The following DCUN1D4 variants were observed in gnomAD, a reference collection of about 807,000 sequenced individuals.
DCUN1D4 encodes defective in cullin neddylation 1 domain containing 4.
In DCUN1D4, 22 loss-of-function variants were observed where a neutral mutation model predicts 47.9. That is an observed-to-expected ratio of 0.46 (90% CI 0.33 to 0.66). The LOEUF (loss-of-function observed/expected upper bound fraction) is 0.66. Among genes scored for constraint, DCUN1D4 ranks in the 30% least tolerant of loss-of-function variants. The pLI is 0.02. For missense variants in DCUN1D4, 301 were observed against 340.8 expected (o/e 0.88, Z 0.92); for synonymous variants, 121 against 112.2 (o/e 1.08, Z -0.50).
At chr4:51,856,498 G>A (rs1021423837) in intron 1 of DCUN1D4, among the ~76,000 whole-genome samples, 1 of 152,164 alleles carries the variant, frequency 6.6e-6, no homozygotes, top group Non-Finnish European at 1.5e-5. Context: ...GTGTGTGGTT[G>A]CTTGTTGACA....
At chr4:51,869,292 T>C (rs1726499329) in intron 3 of DCUN1D4, among the ~76,000 whole-genome samples, 1 of 152,148 alleles carries the variant, frequency 6.6e-6, no homozygotes, top group African/African-American at 2.4e-5. Context: ...AATAAAAATA[T>C]TAGCTACTGG....
chr4:51,842,893 G>A, upstream of DCUN1D4: 2 of 380,228 alleles, frequency 5.3e-6, no homozygotes, highest in Non-Finnish European at 8.7e-6. Flanking sequence ...CGCGCTCTCG[G>A]ACCCCTGGGG....
At chr4:51,843,128 T>C, upstream of DCUN1D4, 1 of 1,486,060 alleles carries the variant, frequency 6.7e-7, no homozygotes. Flanking sequence ...ATGGGCGGGC[T>C]GGGAGTGCCC....
At chr4:51,837,948 C>T in the DCUN1D4 span, among the ~76,000 whole-genome samples, 23 of 152,172 alleles carry the variant, frequency 1.5e-4, no homozygotes, top group African/African-American at 4.1e-4. Context: ...AGGCTTGAGG[C>T]GGGCAGATCA....
upstream of DCUN1D4, among the ~76,000 whole-genome samples, chr4:51,838,903 C>T (rs145009397): frequency 1.7e-3 from 264 of 152,144 alleles, no homozygotes; most frequent in African/African-American, 6.0e-3. Flanking sequence ...GGCAAAACCC[C>T]GTCTCTACTA....
intron 3 of DCUN1D4, 71 bp from the exon 4 acceptor site, chr4:51,874,200 A>G: frequency 1.0e-6 from 1 of 962,158 alleles, no homozygotes; most frequent in Non-Finnish European, 1.6e-6. Flanking sequence ...AATTAGCAGT[A>G]CTGTTCTTTG....
intron 8 of DCUN1D4, among the ~76,000 whole-genome samples, chr4:51,900,483 C>T (rs1379108025): frequency 1.3e-5 from 2 of 152,074 alleles, no homozygotes; most frequent in Non-Finnish European, 2.9e-5. Context: ...CCTGTAACCC[C>T]AGCACTTTAG....
Position 51,843,229 on chromosome 4 carries a change from T to C in DCUN1D4, c.-14T>C. On this transcript the variant is annotated 5_prime_UTR_variant, in exon 1 of 11. Coordinates refer to ENST00000334635, the MANE Select transcript of DCUN1D4 (RefSeq NM_001040402.3). Reference sequence around the variant, plus strand: ...GGGAGCCTGGGCGGCGAGCCGGGTGTGAGCTGCCTGAAAATGCACTCGGAT... The same window carrying C: ...GGGAGCCTGGGCGGCGAGCCGGGTGCGAGCTGCCTGAAAATGCACTCGGAT... The C allele has an allele frequency of 6.5e-7, 1 of 1,541,514 alleles. No individual in the cohort carries two copies. Among genetic ancestry groups the C allele is most frequent in the Non-Finnish European group, 8.7e-7 (1 of 1,143,672 alleles).
rs1727362478 is a variant in DCUN1D4 at position 51,874,382 on chromosome 4, A to G, written c.248A>G (p.Asp83Gly). 1 of 1,606,274 alleles carries G rather than the reference A, an allele frequency of 6.2e-7. No individual in the cohort carries two copies. The highest frequency in any genetic ancestry group is 8.5e-7 in the Non-Finnish European group (1 of 1,173,542). Residue 83 changes from aspartate (D) to glycine (G), a missense_variant, in exon 4 of 11, where the codon GAT becomes GGT. Coordinates refer to ENST00000334635, the MANE Select transcript of DCUN1D4 (RefSeq NM_001040402.3). ...DDLSAKKSRHDSMYRKYDSTR... is the reference protein window; with the variant it reads ...DDLSAKKSRHGSMYRKYDSTR... The stretch of plus-strand genomic sequence containing the variant: ...TTATCTGCCAAGAAAAGTAGACATG[A>G]TAGGTATGATGTAGAGACAGTAGAT...
upstream of DCUN1D4, among the ~76,000 whole-genome samples, chr4:51,842,281 GGCTCAGTCCGCA>G (rs1466044452): frequency 6.6e-6 from 1 of 152,146 alleles, no homozygotes; most frequent in East Asian, 1.9e-4. Flanking sequence ...CCATGTGTTA[GGCTCAGTCCGCA>G]GCTCAGAGCG....
intron 1 of DCUN1D4, among the ~76,000 whole-genome samples, chr4:51,862,867 T>C (rs996875895): frequency 1.3e-5 from 2 of 151,692 alleles, no homozygotes; most frequent in Non-Finnish European, 2.9e-5. Context: ...AAAGAAAAAT[T>C]AGCTGTGCAT....
At chr4:51,835,101 G>T in the DCUN1D4 span, among the ~76,000 whole-genome samples, 1 of 152,204 alleles carries the variant, frequency 6.6e-6, no homozygotes, top group African/African-American at 2.4e-5. Context: ...TCACATTAAA[G>T]AATTTGGAAT....
At chr4:51,893,504 C>T (rs1200738381) in intron 7 of DCUN1D4, among the ~76,000 whole-genome samples, 1 of 152,096 alleles carries the variant, frequency 6.6e-6, no homozygotes. Context: ...CAGTTCACAG[C>T]AACCTCCGCC....
chr4:51,842,134 T>G (rs1721711062), upstream of DCUN1D4, among the ~76,000 whole-genome samples: 1 of 152,192 alleles, frequency 6.6e-6, no homozygotes, highest in South Asian at 2.1e-4. Context: ...GTCAGAAGAA[T>G]TCACCAAAAT....
At chr4:51,860,684 C>G (rs1173961905) in intron 1 of DCUN1D4, 1 of 453,644 alleles carries the variant, frequency 2.2e-6, no homozygotes, top group East Asian at 7.0e-5. Flanking sequence ...GTGCCACACA[C>G]TTTTAAATGA....
intron 1 of DCUN1D4, 72 bp downstream of exon 1, chr4:51,843,339 C>A: frequency 1.4e-6 from 2 of 1,458,014 alleles, no homozygotes; most frequent in Non-Finnish European, 1.8e-6. Context: ...CTCCCGCAGT[C>A]CCCGCCCCAC....
At chr4:51,889,209 A>G (rs1383096045) in intron 6 of DCUN1D4, among the ~76,000 whole-genome samples, 1 of 152,252 alleles carries the variant, frequency 6.6e-6, no homozygotes, top group African/African-American at 2.4e-5. Flanking sequence ...TATATCACTA[A>G]GAAAAAATGT....
At chr4:51,852,322 A>G (rs1168060594) in intron 1 of DCUN1D4, among the ~76,000 whole-genome samples, 1 of 152,208 alleles carries the variant, frequency 6.6e-6, no homozygotes, top group African/African-American at 2.4e-5. Context: ...AGACTTTGTT[A>G]TTTTTAAATA....
At chr4:51,842,892 G>T (rs1426728003), upstream of DCUN1D4, 2 of 372,390 alleles carry the variant, frequency 5.4e-6, no homozygotes, top group Admixed American at 5.1e-5. Flanking sequence ...ACGCGCTCTC[G>T]GACCCCTGGG....
Sources: gnomAD v4.1 joint callset for allele counts (sites outside exome capture counted in the v4.1 genomes callset) on GRCh38, gnomAD v4.1.1 for gene constraint, MANE v1.5 for transcripts, NCBI Gene and HGNC (gene_info 2026-07-23, HGNC 2026-07-21) for gene names.